Variants in TMEM182 observed in about 807,000 individuals in gnomAD.
The protein encoded by TMEM182 is transmembrane protein 182.
In TMEM182, 20 loss-of-function variants were observed where a neutral mutation model predicts 26.8. The observed-to-expected ratio is 0.75, with a 90% CI of 0.53 to 1.09. The LOEUF (loss-of-function observed/expected upper bound fraction) is 1.09. Among genes scored for constraint, TMEM182 ranks in the 50% least tolerant of loss-of-function variants. The pLI, the probability that TMEM182 is intolerant of heterozygous loss-of-function variation, is 0.00. For synonymous variants in TMEM182, 109 were observed against 102.2 expected (o/e 1.07, Z -0.40); for missense variants, 277 against 275.5 (o/e 1.01, Z -0.04).
At chr2:102,777,978 T>G (rs896544200) in intron 3 of TMEM182, among the ~76,000 whole-genome samples, 6 of 152,006 alleles carry the variant, frequency 3.9e-5, no homozygotes, top group Admixed American at 3.3e-4. Flanking sequence ...GAATGCATAT[T>G]CTGTAGTTTT....
intron 3 of TMEM182, among the ~76,000 whole-genome samples, chr2:102,830,416 A>G (rs1218790458): frequency 6.6e-6 from 1 of 152,170 alleles, no homozygotes; most frequent in Admixed American, 6.5e-5. Context: ...CCATGATCCT[A>G]GCTCTAATCA....
intron 1 of TMEM182, among the ~76,000 whole-genome samples, chr2:102,741,946 A>G (rs1450790368): frequency 3.3e-5 from 5 of 152,218 alleles, no homozygotes; most frequent in African/African-American, 1.2e-4. Context: ...CTGAGATCCT[A>G]TGACTCAAGA....
chr2:102,825,547 C>T (rs1023964372), intron 3 of TMEM182, among the ~76,000 whole-genome samples: 6 of 152,268 alleles, frequency 3.9e-5, no homozygotes, highest in African/African-American at 1.4e-4. Flanking sequence ...CTTAGAAACC[C>T]CATTGAGTTT....
intron 1 of TMEM182, among the ~76,000 whole-genome samples, chr2:102,741,282 TGAGAGTTAGAAACTCTTA>T (rs1679536771): frequency 6.6e-6 from 1 of 152,126 alleles, no homozygotes; most frequent in South Asian, 2.1e-4. Flanking sequence ...GTGGCAGGCA[TGAGAGTTAGAAACTCTTA>T]GAGAGTTAGT....
downstream of TMEM182, among the ~76,000 whole-genome samples, chr2:102,822,233 A>C (rs1393972725): frequency 6.6e-6 from 1 of 152,132 alleles, no homozygotes; most frequent in Non-Finnish European, 1.5e-5. Context: ...CATGGCAAAG[A>C]TTAGACCCCT....
At chr2:102,843,776 TTGAA>T (rs1683398541) in exon 4 of TMEM182, 1 of 152,244 alleles carries the variant, frequency 6.6e-6, no homozygotes, top group African/African-American at 2.4e-5. Context: ...TAAATATTGA[TTGAA>T]TGAATGGATG....
intron 4 of TMEM182, 83 bp from the exon 5 acceptor site, chr2:102,814,665 A>T (rs1409609228): frequency 6.4e-6 from 8 of 1,249,850 alleles, no homozygotes; most frequent in Non-Finnish European, 8.9e-6. Context: ...GGAGCTTGTC[A>T]TCCGGTCAAT....
chr2:102,799,829 G>A (rs901908156), intron 4 of TMEM182, among the ~76,000 whole-genome samples: 3 of 152,196 alleles, frequency 2.0e-5, no homozygotes, highest in Non-Finnish European at 4.4e-5. Context: ...TTTGGGGAAA[G>A]GAGTTCTGGT....
intron 4 of TMEM182, among the ~76,000 whole-genome samples, chr2:102,799,795 A>G (rs1682037246): frequency 6.6e-6 from 1 of 152,150 alleles, no homozygotes; most frequent in Admixed American, 6.5e-5. Context: ...AGTTAGAGTA[A>G]TATGTTCAGG....
chr2:102,843,478 C>T (rs187254624), exon 4 of TMEM182: 3 of 152,326 alleles, frequency 2.0e-5, no homozygotes, highest in African/African-American at 4.8e-5. Context: ...CTGCGTGAAA[C>T]GTCTTCAGCC....
intron 4 of TMEM182, among the ~76,000 whole-genome samples, chr2:102,806,648 C>T (rs757390482): frequency 1.3e-5 from 2 of 152,100 alleles, no homozygotes; most frequent in Admixed American, 6.6e-5. Context: ...AGCAGGAGCT[C>T]GTGCCAAAGC....
At chr2:102,803,513 G>A (rs1383365460) in intron 4 of TMEM182, among the ~76,000 whole-genome samples, 1 of 152,016 alleles carries the variant, frequency 6.6e-6, no homozygotes, top group Non-Finnish European at 1.5e-5. Context: ...TTCCTTTTTT[G>A]TTTTCAAAAG....
At chr2:102,795,734 G>A (rs545093485) in intron 3 of TMEM182, among the ~76,000 whole-genome samples, 1 of 152,178 alleles carries the variant, frequency 6.6e-6, no homozygotes, top group South Asian at 2.1e-4. Flanking sequence ...CTTTTCTTTA[G>A]CTCTTTTCTC....
intron 4 of TMEM182, among the ~76,000 whole-genome samples, chr2:102,799,668 C>A (rs1018534993): frequency 6.6e-6 from 1 of 152,228 alleles, no homozygotes; most frequent in Admixed American, 6.5e-5. Flanking sequence ...CTTCACTGAG[C>A]AGCACGCCTT....
intron 4 of TMEM182, among the ~76,000 whole-genome samples, chr2:102,805,435 C>A (rs1573556585): frequency 6.6e-6 from 1 of 152,256 alleles, no homozygotes; most frequent in Admixed American, 6.5e-5. Flanking sequence ...TCCACCCAAC[C>A]TGACGGACCT....
At chr2:102,755,727 G>A (rs1680012639) in intron 1 of TMEM182, among the ~76,000 whole-genome samples, 1 of 152,154 alleles carries the variant, frequency 6.6e-6, no homozygotes, top group Non-Finnish European at 1.5e-5. Context: ...CTATTTGTAG[G>A]GGCCAATGTC....
At chr2:102,757,399 C>T (rs1680076345), upstream of TMEM182, 1 of 152,160 alleles carries the variant, frequency 6.6e-6, no homozygotes, top group Non-Finnish European at 1.5e-5. Flanking sequence ...TTACCTCTGT[C>T]CTTCGTGTCA....
chr2:102,810,072 T>C (rs189334163), intron 4 of TMEM182, among the ~76,000 whole-genome samples: 12 of 152,252 alleles, frequency 7.9e-5, no homozygotes, highest in Admixed American at 7.8e-4. Context: ...TCGAGTTACA[T>C]CTAAGAAGTG....
intron 3 of TMEM182, among the ~76,000 whole-genome samples, chr2:102,836,755 G>A (rs1683254470): frequency 6.6e-6 from 1 of 152,186 alleles, no homozygotes; most frequent in Non-Finnish European, 1.5e-5. Context: ...CACAGAGCAG[G>A]ACACAGGAAG....
Sources: allele counts gnomAD v4.1 joint callset (sites outside exome capture counted in the v4.1 genomes callset), GRCh38; gene constraint gnomAD v4.1.1; transcripts MANE v1.5; gene names NCBI Gene and HGNC (gene_info 2026-07-23, HGNC 2026-07-21).